CDYL: variants seen among roughly 807,000 people sequenced by gnomAD.
The protein encoded by CDYL is chromodomain Y-like protein.
CDYL carries 8 observed loss-of-function variants against 47.3 expected under a neutral mutation model. The observed-to-expected ratio is 0.17, with a 90% CI of 0.10 to 0.31. The LOEUF is 0.31. Ranked by LOEUF, CDYL falls within the 10% of genes least tolerant of loss-of-function variation. The pLI, the probability that CDYL is intolerant of heterozygous loss-of-function variation, is 1.00. For missense variants in CDYL, 471 were observed against 701.4 expected, an observed-to-expected ratio of 0.67 and a Z score of 3.71; for synonymous variants, 266 against 265.0, an observed-to-expected ratio of 1.00 and a Z score of -0.04.
At chr6:4,919,565 T>G (rs1441454818) in intron 2 of CDYL, among the ~76,000 whole-genome samples, 1 of 152,204 alleles carries the variant, frequency 6.6e-6, no homozygotes, top group Non-Finnish European at 1.5e-5. Context: ...GTGAAAAGTT[T>G]CAGCTTTTGG....
chr6:4,856,499 G>T (rs1761010822), intron 1 of CDYL, among the ~76,000 whole-genome samples: 1 of 152,230 alleles, frequency 6.6e-6, no homozygotes, highest in Non-Finnish European at 1.5e-5. Context: ...ATGTCCATGG[G>T]ACCTTTTGGT....
intron 2 of CDYL, among the ~76,000 whole-genome samples, chr6:4,911,630 A>G (rs1305648986): frequency 1.3e-5 from 2 of 152,212 alleles, no homozygotes; most frequent in Non-Finnish European, 2.9e-5. Context: ...AGTTCATGTC[A>G]TAGAGCATGG....
Position 4,935,562 on chromosome 6 carries a change from A to G in CDYL, c.739A>G (p.Ile247Val). ...DALTANGTTN[I>V]QTSVTGVTAS... Reference sequence around the variant, plus strand: ...ATTAACAGCCAATGGGACAACCAACATACAGACATCTGTTACAGGAGTGAC... The same window carrying G: ...ATTAACAGCCAATGGGACAACCAACGTACAGACATCTGTTACAGGAGTGAC... The change falls in exon 3 of 7, where the codon ATA becomes GTA. Residue 247 changes from isoleucine (I) to valine (V), a missense_variant. Transcript: ENST00000397588. 1 of 1,614,242 alleles carries G rather than the reference A, an allele frequency of 6.2e-7. No homozygotes were observed. Among genetic ancestry groups the G allele is most frequent in the Non-Finnish European group, 8.5e-7 (1 of 1,180,030 alleles).
chr6:4,947,131 C>A (rs1758547082), intron 5 of CDYL, among the ~76,000 whole-genome samples: 1 of 152,210 alleles, frequency 6.6e-6, no homozygotes, highest in South Asian at 2.1e-4. Flanking sequence ...GGTCGTGCAG[C>A]CCGTTTCAGG....
At chr6:4,939,337 TTGAC>T (rs1347417270) in intron 4 of CDYL, among the ~76,000 whole-genome samples, 1 of 152,058 alleles carries the variant, frequency 6.6e-6, no homozygotes, top group African/African-American at 2.4e-5. Context: ...ACGTCTTTCT[TTGAC>T]TGACACCCAA....
intron 3 of CDYL, among the ~76,000 whole-genome samples, chr6:4,760,277 C>T (rs908555282): frequency 1.3e-5 from 2 of 150,884 alleles, no homozygotes; most frequent in East Asian, 2.0e-4. Context: ...CTTAGAGGGT[C>T]GAAGCACTGT....
chr6:4,723,323 G>A (rs1013532571), intron 2 of CDYL, among the ~76,000 whole-genome samples: 2 of 151,946 alleles, frequency 1.3e-5, no homozygotes, highest in Non-Finnish European at 2.9e-5. Context: ...TATTCCTAGG[G>A]TCCTAGAACC....
At chr6:4,849,609 G>GTTCT (rs1402853631) in intron 1 of CDYL, among the ~76,000 whole-genome samples, 1 of 149,936 alleles carries the variant, frequency 6.7e-6, no homozygotes, top group African/African-American at 2.5e-5. Context: ...AAACTTTACT[G>GTTCT]TTCAAAGAAT....
chr6:4,748,656 G>GAC (rs111349102), intron 3 of CDYL, among the ~76,000 whole-genome samples: 4,501 of 146,138 alleles, frequency 0.031, 140 homozygotes, highest in African/African-American at 0.08. Flanking sequence ...TGATGGCAAA[G>GAC]ACACACACAC....
intron 2 of CDYL, among the ~76,000 whole-genome samples, chr6:4,894,051 C>G (rs932824838): frequency 6.6e-6 from 1 of 152,150 alleles, no homozygotes; most frequent in African/African-American, 2.4e-5. Context: ...GTTTGACTTC[C>G]TATATTGTTT....
At chr6:4,782,864 A>G (rs1758653422) in intron 1 of CDYL, among the ~76,000 whole-genome samples, 1 of 152,210 alleles carries the variant, frequency 6.6e-6, no homozygotes, top group Non-Finnish European at 1.5e-5. Context: ...GTAAAACCAT[A>G]TTAAAACCTC....
chr6:4,877,302 ATTG>A (rs1415164867), intron 1 of CDYL, among the ~76,000 whole-genome samples: 1 of 151,966 alleles, frequency 6.6e-6, no homozygotes, highest in Non-Finnish European at 1.5e-5. Flanking sequence ...CCCCGTCAAC[ATTG>A]TTTTTGATGA....
intron 1 of CDYL, among the ~76,000 whole-genome samples, chr6:4,880,618 G>A (rs1424267525): frequency 6.6e-6 from 1 of 152,234 alleles, no homozygotes; most frequent in Admixed American, 6.5e-5. Context: ...CCAAACTGTT[G>A]TCCGAAGTGG....
At chr6:4,784,566 C>T (rs144771626) in intron 1 of CDYL, among the ~76,000 whole-genome samples, 152 of 152,334 alleles carry the variant, frequency 1.0e-3, no homozygotes, top group African/African-American at 3.5e-3. Flanking sequence ...ATAGTTATAA[C>T]GCAATTGCTT....
intron 3 of CDYL, among the ~76,000 whole-genome samples, chr6:4,755,225 T>A (rs1753105419): frequency 7.1e-6 from 1 of 140,048 alleles, no homozygotes; most frequent in African/African-American, 3.1e-5. Context: ...CATGCCCACC[T>A]AATTTTTTTT....
At chr6:4,830,492 T>C (rs561778050) in intron 1 of CDYL, among the ~76,000 whole-genome samples, 51 of 152,358 alleles carry the variant, frequency 3.3e-4, no homozygotes, top group African/African-American at 1.2e-3. Flanking sequence ...AACTCAGGAA[T>C]AGTTTGTGTT....
At chr6:4,746,027 T>C (rs1305974068) in intron 3 of CDYL, among the ~76,000 whole-genome samples, 1 of 152,108 alleles carries the variant, frequency 6.6e-6, no homozygotes, top group Non-Finnish European at 1.5e-5. Context: ...CCTAGCGAGA[T>C]AAATGTTAGA....
intron 1 of CDYL, among the ~76,000 whole-genome samples, chr6:4,863,135 G>T (rs746934676): frequency 6.6e-6 from 1 of 152,158 alleles, no homozygotes; most frequent in Non-Finnish European, 1.5e-5. Flanking sequence ...ACTTATAAGT[G>T]GGAACTAAAC....
chr6:4,772,917 T>C (rs951826095), upstream of CDYL: 32 of 354,464 alleles, frequency 9.0e-5, no homozygotes, highest in African/African-American at 6.0e-4. Context: ...CCATCTCCCC[T>C]TGGATGCCTT....
Sources: gnomAD v4.1 joint callset for allele counts (sites outside exome capture counted in the v4.1 genomes callset) on GRCh38, gnomAD v4.1.1 for gene constraint, MANE v1.5 for transcripts, NCBI Gene and HGNC (gene_info 2026-07-23, HGNC 2026-07-21) for gene names.